The following SCN8A variants were observed in gnomAD, a reference collection of about 807,000 sequenced individuals.
The protein encoded by SCN8A is sodium voltage-gated channel alpha subunit 8.
In SCN8A, 30 loss-of-function variants were observed where a neutral mutation model predicts 184.1. The ratio of observed to expected loss-of-function variants is 0.16; its 90% CI spans 0.12 to 0.22. The LOEUF is 0.22. Among genes scored for constraint, SCN8A ranks in the 10% least tolerant of loss-of-function variants. The pLI is 1.00. For missense variants in SCN8A, 1,057 were observed against 2,498.9 expected (o/e 0.42, Z 12.30); for synonymous variants, 852 against 907.0 (o/e 0.94, Z 1.09).
At chr12:51,661,123 G>A (rs974817603) in intron 1 of SCN8A, among the ~76,000 whole-genome samples, 13 of 152,124 alleles carry the variant, frequency 8.5e-5, no homozygotes, top group African/African-American at 3.1e-4. Flanking sequence ...GAGCATTTTG[G>A]TTGTGATTTT....
intron 1 of SCN8A, among the ~76,000 whole-genome samples, chr12:51,613,383 T>A (rs1939765589): frequency 6.6e-6 from 1 of 152,170 alleles, no homozygotes. Flanking sequence ...TGTTGTCAAA[T>A]TTATGTGTAT....
intron 13 of SCN8A, among the ~76,000 whole-genome samples, chr12:51,750,224 C>T (rs550308173): frequency 6.6e-6 from 1 of 152,282 alleles, no homozygotes; most frequent in South Asian, 2.1e-4. Flanking sequence ...TCCAAGTGGG[C>T]TCCTGCTTCA....
At chr12:51,751,820 GA>G (rs1171769940) in intron 14 of SCN8A, among the ~76,000 whole-genome samples, 1 of 152,228 alleles carries the variant, frequency 6.6e-6, no homozygotes, top group East Asian at 1.9e-4. Flanking sequence ...GCTATTGGCA[GA>G]AAACCAATGT....
chr12:51,790,541 C>T, intron 25 of SCN8A, 39 bp downstream of exon 25: 2 of 1,373,498 alleles, frequency 1.5e-6, no homozygotes, highest in Non-Finnish European at 2.0e-6. Context: ...GGTGAGAACC[C>T]ATATAGGAAA....
chr12:51,674,554 T>C (rs1185397458), intron 2 of SCN8A, among the ~76,000 whole-genome samples: 2 of 152,154 alleles, frequency 1.3e-5, no homozygotes, highest in African/African-American at 4.8e-5. Context: ...AGGCTGGTCT[T>C]GAGCTCCTGA....
Position 51,764,787 on chromosome 12 carries a change from T to C in SCN8A, c.2545-884T>C, listed in dbSNP as rs565640219. On this transcript the variant is annotated intron_variant, in intron 15 of 26. Coordinates refer to ENST00000627620, the MANE Select transcript of SCN8A (RefSeq NM_001330260.2). ...GTATAGGCTCTTTTCTTTTTTTTTT[T>C]TTTCTTAGACATAGTCTCATTCTGC... 1.3e-3 allele frequency among the ~76,000 whole-genome samples: 199 copies of C among 151,680 alleles called. 1 individual carries two copies. The highest frequency in any genetic ancestry group is 4.5e-3 in the African/African-American group (187 of 41,448).
intron 13 of SCN8A, among the ~76,000 whole-genome samples, chr12:51,749,127 T>C (rs1942558010): frequency 6.6e-6 from 1 of 152,232 alleles, no homozygotes; most frequent in South Asian, 2.1e-4. Flanking sequence ...TGCAAAGTCA[T>C]AAGTCACTTG....
At chr12:51,607,544 C>T (rs974008883) in intron 1 of SCN8A, among the ~76,000 whole-genome samples, 1 of 152,146 alleles carries the variant, frequency 6.6e-6, no homozygotes, top group East Asian at 1.9e-4. Flanking sequence ...TTTCCCCATT[C>T]AGTATTGTGT....
chr12:51,674,535 A>G (rs896989635), intron 2 of SCN8A, among the ~76,000 whole-genome samples: 1 of 152,034 alleles, frequency 6.6e-6, no homozygotes, highest in Non-Finnish European at 1.5e-5. Context: ...GGGTTTTGCC[A>G]TGTTGACCAG....
chr12:51,652,436 G>A (rs149871280), intron 1 of SCN8A, among the ~76,000 whole-genome samples: 145 of 152,086 alleles, frequency 9.5e-4, no homozygotes, highest in African/African-American at 3.4e-3. Context: ...TTCCTAAAAT[G>A]TAACTTTGAT....
chr12:51,791,378 T>C (rs1938248583), intron 25 of SCN8A, among the ~76,000 whole-genome samples: 1 of 152,174 alleles, frequency 6.6e-6, no homozygotes, highest in African/African-American at 2.4e-5. Flanking sequence ...CATCAACTTT[T>C]GAAGGAAAAG....
intron 26 of SCN8A, among the ~76,000 whole-genome samples, chr12:51,804,710 A>C (rs1038019577): frequency 6.6e-6 from 1 of 152,138 alleles, no homozygotes; most frequent in African/African-American, 2.4e-5. Flanking sequence ...TCCTAGCCTC[A>C]AGTGATCTGC....
intron 12 of SCN8A, among the ~76,000 whole-genome samples, chr12:51,723,314 T>C (rs1942099262): frequency 6.6e-6 from 1 of 151,734 alleles, no homozygotes; most frequent in South Asian, 2.1e-4. Flanking sequence ...GAGACCCTGT[T>C]TGTACAAAAA....
At chr12:51,685,215 G>A (rs1196194127) in intron 3 of SCN8A, among the ~76,000 whole-genome samples, 4 of 152,114 alleles carry the variant, frequency 2.6e-5, no homozygotes, top group South Asian at 2.1e-4. Flanking sequence ...CTTTCTGTTG[G>A]ATCAGAAGAT....
chr12:51,705,370 G>C, intron 9 of SCN8A, 47 bp from the exon 10 acceptor site: 1 of 1,589,328 alleles, frequency 6.3e-7, no homozygotes, highest in South Asian at 1.1e-5. Flanking sequence ...TTTTCAGCCC[G>C]GTTCATTTGG....
chr12:51,689,322 A>C (rs1941469462), intron 6 of SCN8A: 1 of 511,952 alleles, frequency 2.0e-6, no homozygotes, highest in Admixed American at 3.4e-5. Context: ...TTGAAAAAGC[A>C]CGTGCTTAAG....
chr12:51,651,500 G>A (rs1940713733), intron 1 of SCN8A, among the ~76,000 whole-genome samples: 1 of 152,210 alleles, frequency 6.6e-6, no homozygotes, highest in Non-Finnish European at 1.5e-5. Context: ...ACTGGGCCTG[G>A]CTGGCACTTC....
chr12:51,609,277 GTTGTTAAATGGATTCATAGTTTAAATCCC>G (rs1565857969), intron 1 of SCN8A, among the ~76,000 whole-genome samples: 3 of 152,094 alleles, frequency 2.0e-5, no homozygotes, highest in Admixed American at 1.3e-4. Flanking sequence ...GTTTAAATCC[GTTGTTAAATGGATTCATAGTTTAAATCCC>G]TTGTTAAATG....
chr12:51,699,380 T>TA (rs1434936992), intron 6 of SCN8A, among the ~76,000 whole-genome samples, 190 bp from the exon 7 acceptor site: 1 of 152,224 alleles, frequency 6.6e-6, no homozygotes, highest in Non-Finnish European at 1.5e-5. Flanking sequence ...TGTATTCACT[T>TA]AAAAATGGAT....
Sources: gnomAD v4.1 joint callset for allele counts (sites outside exome capture counted in the v4.1 genomes callset) on GRCh38, gnomAD v4.1.1 for gene constraint, MANE v1.5 for transcripts, NCBI Gene and HGNC (gene_info 2026-07-23, HGNC 2026-07-21) for gene names.